MYO6: variants seen among roughly 807,000 people sequenced by gnomAD.
MYO6 encodes unconventional myosin-VI.
Under a neutral mutation model 178.7 loss-of-function variants are expected in MYO6, and 74 were observed. That is an observed-to-expected ratio of 0.41 (90% CI 0.34 to 0.50). MYO6 has a LOEUF of 0.50. Among genes scored for constraint, MYO6 ranks in the 20% least tolerant of loss-of-function variants. The probability of loss-of-function intolerance (pLI) is 0.09; values close to 1 mark genes in which losing one functional copy is unlikely to be tolerated. For synonymous variants in MYO6, 477 were observed against 504.6 expected, an observed-to-expected ratio of 0.95 and a Z score of 0.73; for missense variants, 1,330 against 1,547.4, an observed-to-expected ratio of 0.86 and a Z score of 2.36.
At chr6:75,882,833 G>A (rs1167118442) in intron 23 of MYO6, among the ~76,000 whole-genome samples, 1 of 152,146 alleles carries the variant, frequency 6.6e-6, no homozygotes, top group African/African-American at 2.4e-5. Flanking sequence ...AGAATAGGGC[G>A]AAAGGTGAAA....
intron 1 of MYO6, among the ~76,000 whole-genome samples, chr6:75,808,104 A>G (rs1770283046): frequency 6.6e-6 from 1 of 152,250 alleles, no homozygotes; most frequent in Non-Finnish European, 1.5e-5. Flanking sequence ...TAAAACAGCA[A>G]GGAATACTTT....
At chr6:75,792,625 G>A (rs1011164743) in intron 1 of MYO6, among the ~76,000 whole-genome samples, 7 of 150,210 alleles carry the variant, frequency 4.7e-5, no homozygotes, top group Admixed American at 2.0e-4. Context: ...TTTTTTTTTT[G>A]TGGGATTGCC....
At chr6:75,766,829 G>C (rs1778460287) in intron 1 of MYO6, among the ~76,000 whole-genome samples, 1 of 152,116 alleles carries the variant, frequency 6.6e-6, no homozygotes, top group African/African-American at 2.4e-5. Context: ...ATTAGATTCT[G>C]GGCTTACCTA....
At chr6:75,817,823 G>A (rs1022359335) in intron 2 of MYO6, among the ~76,000 whole-genome samples, 159 bp downstream of exon 2, 4 of 152,102 alleles carry the variant, frequency 2.6e-5, no homozygotes, top group Non-Finnish European at 5.9e-5. Flanking sequence ...TTAAATCAGA[G>A]GTATGTGCCC....
intron 29 of MYO6, among the ~76,000 whole-genome samples, chr6:75,895,649 C>G (rs1268651222): frequency 6.6e-6 from 1 of 151,846 alleles, no homozygotes; most frequent in Non-Finnish European, 1.5e-5. Flanking sequence ...TCCCAAGTAG[C>G]TGGGACTACA....
At chr6:75,825,215 G>C (rs911657797) in intron 3 of MYO6, among the ~76,000 whole-genome samples, 20 of 152,126 alleles carry the variant, frequency 1.3e-4, no homozygotes, top group African/African-American at 3.6e-4. Context: ...TGCTGATTTT[G>C]AGCTACCATG....
Position 75,911,692 on chromosome 6 carries a change from A to T in MYO6, c.3433A>T (p.Asn1145Tyr). The T allele has an allele frequency of 6.2e-7, 1 of 1,612,224 alleles. No homozygotes were observed. Among genetic ancestry groups the T allele is most frequent in the Non-Finnish European group, 8.5e-7 (1 of 1,178,544 alleles). ...TDYDFAPFLNNSPQQNPAAQI... is the reference protein window; with the variant it reads ...TDYDFAPFLNYSPQQNPAAQI... ...CACAGATTTTGCACCATTTTTGAAC[A>T]ATTCACGTAAGTCAATGGGTGGTAA... is the stretch of plus-strand genomic sequence containing the variant. Residue 1145 changes from asparagine to tyrosine, a missense_variant, in exon 33 of 35, where the codon AAT (asparagine) becomes TAT (tyrosine). Asn to Tyr is a moderately radical substitution (Grantham distance 143). Coordinates refer to ENST00000369977, the MANE Select transcript of MYO6 (RefSeq NM_004999.4).
chr6:75,756,764 T>A (rs1258573547), intron 1 of MYO6, among the ~76,000 whole-genome samples: 3 of 152,016 alleles, frequency 2.0e-5, no homozygotes, highest in African/African-American at 7.3e-5. Context: ...TTTTACAGAT[T>A]AGGAAACTGA....
intron 2 of MYO6, among the ~76,000 whole-genome samples, chr6:75,819,508 A>G (rs1272195891): frequency 6.7e-6 from 1 of 149,950 alleles, no homozygotes; most frequent in Non-Finnish European, 1.5e-5. Context: ...TAGATGAGGG[A>G]GTGAGGAACA....
intron 7 of MYO6, among the ~76,000 whole-genome samples, chr6:75,836,524 C>G (rs1280673119): frequency 5.3e-5 from 8 of 151,856 alleles, no homozygotes; most frequent in African/African-American, 1.7e-4. Flanking sequence ...CACTTAGATT[C>G]TTACTTCTCC....
intron 30 of MYO6, among the ~76,000 whole-genome samples, chr6:75,901,633 A>G (rs1035747008): frequency 2.0e-5 from 3 of 152,138 alleles, no homozygotes; most frequent in East Asian, 1.9e-4. Context: ...GGCTGAGACA[A>G]TGGGGTTTTC....
intron 5 of MYO6, among the ~76,000 whole-genome samples, chr6:75,831,754 C>T (rs1203875852): frequency 1.3e-5 from 2 of 151,692 alleles, no homozygotes; most frequent in Admixed American, 6.6e-5. Flanking sequence ...ATTAGCCGGG[C>T]ATGTGCTTGC....
chr6:75,880,148 G>A (rs549521384), intron 22 of MYO6, 28 bp downstream of exon 22: 2 of 1,493,542 alleles, frequency 1.3e-6, no homozygotes, highest in South Asian at 2.3e-5. Flanking sequence ...ACTTTAAACT[G>A]TAACATCATG....
chr6:75,877,916 A>G (rs1344527857), intron 20 of MYO6, among the ~76,000 whole-genome samples: 1 of 152,240 alleles, frequency 6.6e-6, no homozygotes, highest in Non-Finnish European at 1.5e-5. Context: ...GTTTGCAGCT[A>G]CAGGGCAAGC....
At chr6:75,911,813 T>A (rs1337532856) in intron 33 of MYO6, 115 bp downstream of exon 33, 9 of 928,512 alleles carry the variant, frequency 9.7e-6, no homozygotes, top group Non-Finnish European at 1.6e-5. Context: ...AATTGTAGTG[T>A]GTTAAAGTTG....
At chr6:75,906,301 T>C (rs1323712606) in intron 30 of MYO6, among the ~76,000 whole-genome samples, 1 of 152,352 alleles carries the variant, frequency 6.6e-6, no homozygotes, top group African/African-American at 2.4e-5. Flanking sequence ...AAGTGTAATC[T>C]TTTGCTGAAA....
intron 1 of MYO6, among the ~76,000 whole-genome samples, chr6:75,757,375 A>G (rs562947980): frequency 2.9e-4 from 43 of 149,094 alleles, no homozygotes; most frequent in East Asian, 8.1e-4. Context: ...GTGTGTGTGT[A>G]TATATATGTA....
chr6:75,845,536 T>TA (rs1583257338), intron 10 of MYO6, among the ~76,000 whole-genome samples: 2 of 150,046 alleles, frequency 1.3e-5, no homozygotes, highest in Non-Finnish European at 3.0e-5. Flanking sequence ...TTACAAAAAA[T>TA]AAAAAAAATT....
chr6:75,790,960 A>C (rs1768166750), intron 1 of MYO6, among the ~76,000 whole-genome samples: 1 of 151,890 alleles, frequency 6.6e-6, no homozygotes, highest in African/African-American at 2.4e-5. Context: ...TTGAGATGGA[A>C]TCTTGCTGTG....
Sources: allele counts gnomAD v4.1 joint callset (sites outside exome capture counted in the v4.1 genomes callset), GRCh38; gene constraint gnomAD v4.1.1; transcripts MANE v1.5; gene names NCBI Gene and HGNC (gene_info 2026-07-23, HGNC 2026-07-21).